Variants in GRID2IP observed in about 807,000 individuals in gnomAD.
GRID2IP encodes the protein delphilin.
GRID2IP carries 78 observed loss-of-function variants against 114.3 expected under a neutral mutation model. The observed-to-expected ratio is 0.68, with a 90% CI of 0.57 to 0.82. The LOEUF is 0.82. Ranked by LOEUF, GRID2IP falls within the 40% of genes least tolerant of loss-of-function variation. The pLI is 0.00. For missense variants in GRID2IP, 1,727 were observed against 1,678.5 expected (o/e 1.03, Z -0.51); for synonymous variants, 809 against 724.0 (o/e 1.12, Z -1.89).
chr7:6,509,324 G>C lies in GRID2IP; in HGVS notation c.1772-11C>G, dbSNP rs1212598252. ...ACAGGGTCCTGGGCCCTGGAGGAGG[G>C]ATGGAGTATGAGGATTCCTCTTCAG... On this transcript the variant is annotated splice_polypyrimidine_tract_variant and intron_variant, in intron 11 of 21. Transcript: ENST00000457091. This position sits in a 1 kb window ranked among gnomAD's most constrained non-coding sequence, Gnocchi z 4.9. The C allele has an allele frequency of 6.7e-7, 1 of 1,489,198 alleles. No individual in the cohort carries two copies. The highest frequency in any genetic ancestry group is 8.9e-7 in the Non-Finnish European group (1 of 1,118,312). 92.2% of individuals were successfully genotyped at this position (1,489,198 alleles called of 1,614,324 possible).
intron 4 of GRID2IP, 67 bp from the exon 5 acceptor site, chr7:6,522,024 T>A (rs2115073756): frequency 2.3e-6 from 3 of 1,308,780 alleles, no homozygotes; most frequent in East Asian, 2.5e-5. Flanking sequence ...CAGGATGCTA[T>A]CCTGTTTTAC....
rs1455022207 is a variant in GRID2IP, at chr7:6,534,451, A to C, written c.584+5267T>G. On this transcript the variant is annotated intron_variant, in intron 2 of 21. Transcript: ENST00000457091. This position sits in a 1 kb window ranked among gnomAD's most constrained non-coding sequence, Gnocchi z 4.5. ...GTCCCTTTGGGGAGAGACCCAAATT[A>C]GCCTCCCAGTCGCAGGATTAACTGT... Among the ~76,000 whole-genome samples, 2 of 152,186 alleles carry C rather than the reference A, an allele frequency of 1.3e-5. No individual in the cohort carries two copies. Among genetic ancestry groups the C allele is most frequent in the Non-Finnish European group, 2.9e-5 (2 of 68,034 alleles).
In GRID2IP at chr7:6,521,526, G is replaced by A. The variant is rs1163980238; in HGVS notation, c.990-3C>T. 1.9e-6 allele frequency: 3 copies of A among 1,540,612 alleles called. No homozygotes were observed. In the African/African-American group the frequency reaches 4.1e-5, roughly 21 times the overall value. On this transcript the variant is annotated splice_region_variant and splice_polypyrimidine_tract_variant and intron_variant, in intron 5 of 21. Coordinates refer to ENST00000457091, the MANE Select transcript of GRID2IP (RefSeq NM_001145118.2). This position sits in a 1 kb window ranked among gnomAD's most constrained non-coding sequence, Gnocchi z 4.1. ...CCACCTTGTCGTGGGAGCAGTTCCTGCCAAGCAGAGATGGCCCAGGAGGGC... is the reference window on the plus strand; with the variant it reads ...CCACCTTGTCGTGGGAGCAGTTCCTACCAAGCAGAGATGGCCCAGGAGGGC...
At chr7:6,502,328 G>A (rs916631711) in intron 18 of GRID2IP, among the ~76,000 whole-genome samples, 2 of 152,004 alleles carry the variant, frequency 1.3e-5, no homozygotes, top group Admixed American at 6.6e-5. Flanking sequence ...AGGCTCAAGC[G>A]ATCCTTCCAC....
intron 13 of GRID2IP, 34 bp from the exon 14 acceptor site, chr7:6,505,941 G>C (rs1267029963): frequency 1.4e-6 from 2 of 1,448,744 alleles, no homozygotes; most frequent in Middle Eastern, 1.8e-4. Context: ...AGAGTAGGAG[G>C]AGCAGCAGCA....
Position 6,498,150 on chromosome 7 carries a change from C to A in GRID2IP, c.3478G>T (p.Ala1160Ser), listed in dbSNP as rs1456497985. ...QREAMEELGK[A>S]LAFFGEDSKA... ...GAATCCTCCCCAAAGAAGGCCAGCG[C>A]CTTGCCCAGCTCCTCCATGGCCTCG... The change falls in exon 21 of 22, where the codon GCG (alanine) becomes TCG (serine). Residue 1160 changes from alanine (A) to serine (S), a missense_variant. Ala to Ser is a moderately conservative substitution (Grantham distance 99, BLOSUM62 1). Coordinates refer to ENST00000457091, the MANE Select transcript of GRID2IP (RefSeq NM_001145118.2). 6.4e-7 allele frequency: 1 copy of A among 1,551,534 alleles called. No homozygotes were observed. Among genetic ancestry groups the A allele is most frequent in the African/African-American group, 1.4e-5 (1 of 73,066 alleles).
At chr7:6,544,366 G>A (rs1394532193) in intron 1 of GRID2IP, among the ~76,000 whole-genome samples, 1 of 151,602 alleles carries the variant, frequency 6.6e-6, no homozygotes, top group Non-Finnish European at 1.5e-5. Flanking sequence ...TGCAACCTCT[G>A]CCTCCCGGGT....
At chr7:6,502,736 G>A (rs1031275135) in intron 18 of GRID2IP, 50 bp downstream of exon 18, 12 of 1,366,742 alleles carry the variant, frequency 8.8e-6, no homozygotes, top group East Asian at 7.5e-5. Context: ...TGGCGTTAGC[G>A]CCTTGCTGGT....
At chr7:6,538,511 G>C (rs1195599496) in intron 2 of GRID2IP, among the ~76,000 whole-genome samples, 1 of 151,616 alleles carries the variant, frequency 6.6e-6, no homozygotes, top group Non-Finnish European at 1.5e-5. Context: ...AGGCTGCAGT[G>C]AGCCAAGATC....
chr7:6,538,818 G>A (rs1779770114), intron 2 of GRID2IP, among the ~76,000 whole-genome samples: 1 of 152,004 alleles, frequency 6.6e-6, no homozygotes, highest in Admixed American at 6.6e-5. Flanking sequence ...AGGTTGCAGT[G>A]AGCCGAGATC....
chr7:6,506,117 C>T lies in GRID2IP; in HGVS notation c.2545-210G>A, dbSNP rs55838742. ...TGAGCCAGCGCCTCCTGGGGTCAATCGAGACTCAAGACTTGGAACACTACT... is the reference window on the plus strand; with the variant it reads ...TGAGCCAGCGCCTCCTGGGGTCAATTGAGACTCAAGACTTGGAACACTACT... On this transcript the variant is annotated intron_variant, in intron 13 of 21. Transcript: ENST00000457091. This position sits in a 1 kb window ranked among gnomAD's most constrained non-coding sequence, Gnocchi z 5.2. Among the ~76,000 whole-genome samples the T allele has an allele frequency of 9.2e-5, 14 of 152,164 alleles. No individual in the cohort carries two copies. The highest frequency in any genetic ancestry group is 6.5e-4 in the Admixed American group (10 of 15,274).
chr7:6,536,322 T>C lies in GRID2IP; in HGVS notation c.584+3396A>G, dbSNP rs1454611177. The stretch of plus-strand genomic sequence containing the variant: ...CTTGACACGCGCTTACAGCAGAGGC[T>C]GCCGTTTCAAGCTGCGGGGACTGGG... On this transcript the variant is annotated intron_variant, in intron 2 of 21. Coordinates refer to ENST00000457091, the MANE Select transcript of GRID2IP (RefSeq NM_001145118.2). The surrounding 1 kb of genome is among the most constrained non-coding windows in gnomAD (Gnocchi z 5.3). Among the ~76,000 whole-genome samples the C allele has an allele frequency of 1.3e-5, 2 of 152,168 alleles. No individual in the cohort carries two copies. The highest frequency in any genetic ancestry group is 4.8e-5 in the African/African-American group (2 of 41,458).
At chr7:6,498,572 C>CTTTT (rs34146767) in intron 20 of GRID2IP, among the ~76,000 whole-genome samples, 72 of 68,118 alleles carry the variant, frequency 1.1e-3, no homozygotes, top group East Asian at 2.0e-3. Context: ...CTAGGCCTTA[C>CTTTT]TTTTTTTTTT....
intron 11 of GRID2IP, among the ~76,000 whole-genome samples, 196 bp downstream of exon 11, chr7:6,510,087 C>T (rs1157155005): frequency 2.0e-5 from 3 of 152,172 alleles, no homozygotes; most frequent in Non-Finnish European, 4.4e-5. Flanking sequence ...GCCTCGGCCT[C>T]CCAAAGTGCT....
chr7:6,498,015 T>C lies in GRID2IP; in HGVS notation c.3564+49A>G, dbSNP rs749223373. The C allele has an allele frequency of 1.7e-5, 25 of 1,484,514 alleles. 2 individuals carry two copies. In the South Asian group the frequency reaches 3.1e-4, roughly 19 times the overall value. The allele number at this position is 1,484,514 out of a possible 1,614,324, so 92.0% of individuals were successfully genotyped here. ...ATGGAGGATCCCTTCATTTGGCCTC[T>C]GGCCCCCACCTCTCCAAAAGGGCCC... On this transcript the variant is annotated intron_variant, in intron 21 of 21. Transcript: ENST00000457091.
At chr7:6,504,746 GGCC>G in intron 15 of GRID2IP, 44 bp downstream of exon 15, 1 of 1,457,008 alleles carries the variant, frequency 6.9e-7, no homozygotes, top group Non-Finnish European at 9.4e-7. Context: ...CCAGAGAAAG[GGCC>G]GCCGCCTGCC....
At chr7:6,518,223 C>T (rs1779348378) in intron 7 of GRID2IP, among the ~76,000 whole-genome samples, 1 of 151,984 alleles carries the variant, frequency 6.6e-6, no homozygotes, top group African/African-American at 2.4e-5. Flanking sequence ...GAGTGAGACC[C>T]TGTCTCAGAA....
chr7:6,529,548 T>G (rs1412451833), intron 2 of GRID2IP, among the ~76,000 whole-genome samples: 1 of 152,190 alleles, frequency 6.6e-6, no homozygotes, highest in South Asian at 2.1e-4. Flanking sequence ...ACTTGGTGTT[T>G]TTGGGGCTGA....
rs962795515 is a variant in GRID2IP at position 6,503,601 on chromosome 7, G to T, written c.2797C>A (p.His933Asn). Reference protein sequence around the residue: ...SMEPRRLEPAHLAQLLLFAPD... With the variant: ...SMEPRRLEPANLAQLLLFAPD... ...GCGAAGAGCAGCAGCTGCGCGAGAT[G>T]TGCGGGCTCCAGGCGCCGGGGCTCC... is the stretch of plus-strand genomic sequence containing the variant. Residue 933 changes from histidine to asparagine, a missense_variant, in exon 16 of 22, where the codon CAT becomes AAT. Coordinates refer to ENST00000457091, the MANE Select transcript of GRID2IP (RefSeq NM_001145118.2). 20 of 1,529,408 alleles carry T rather than the reference G, an allele frequency of 1.3e-5. No homozygotes were observed. The highest frequency in any genetic ancestry group is 3.6e-4 in the Middle Eastern group (2 of 5,530). 94.7% of individuals were successfully genotyped at this position (1,529,408 alleles called of 1,614,324 possible).
Sources: gnomAD v4.1 joint callset for allele counts (sites outside exome capture counted in the v4.1 genomes callset) on GRCh38, gnomAD v4.1.1 for gene constraint, Gnocchi (gnomAD v3.1) non-coding constraint, MANE v1.5 for transcripts, NCBI Gene and HGNC (gene_info 2026-07-23, HGNC 2026-07-21) for gene names.